Variants in DLG2 observed in about 807,000 individuals in gnomAD.
DLG2 encodes discs large MAGUK scaffold protein 2.
Under a neutral mutation model 132.5 loss-of-function variants are expected in DLG2, and 45 were observed. The ratio of observed to expected loss-of-function variants is 0.34; its 90% CI spans 0.27 to 0.44. The LOEUF is 0.44. DLG2 is among the 20% of genes least tolerant of loss of function. The probability of loss-of-function intolerance (pLI) is 1.00; values close to 1 mark genes in which losing one functional copy is unlikely to be tolerated. For synonymous variants in DLG2, 424 were observed against 419.6 expected, an observed-to-expected ratio of 1.01 and a Z score of -0.13; for missense variants, 1,045 against 1,196.9, an observed-to-expected ratio of 0.87 and a Z score of 1.87.
At chr11:85,071,995 T>C (rs1440102732) in intron 6 of DLG2, among the ~76,000 whole-genome samples, 2 of 151,838 alleles carry the variant, frequency 1.3e-5, no homozygotes, top group African/African-American at 2.4e-5. Context: ...ACAAATGAAA[T>C]GAGAACGCAT....
chr11:85,459,135 A>C lies in DLG2; in HGVS notation c.40+139522T>G, dbSNP rs140549325. ...AGCAGCTTGCTGGAGGTGTGGTTAA[A>C]GCACTCAGGGTCTTCGCTGCTTCTC... On this transcript the variant is annotated intron_variant, in intron 3 of 27. Transcript: ENST00000376104. 2.4e-3 allele frequency among the ~76,000 whole-genome samples: 361 copies of C among 152,306 alleles called. 3 individuals carry two copies. Among genetic ancestry groups the C allele is most frequent in the Middle Eastern group, 0.01 (3 of 294 alleles).
intron 11 of DLG2, among the ~76,000 whole-genome samples, chr11:83,999,631 C>T (rs908304409): frequency 6.6e-6 from 1 of 152,154 alleles, no homozygotes; most frequent in Non-Finnish European, 1.5e-5. Context: ...GCTCAGCTCA[C>T]TGCTGCCACC....
At chr11:84,910,498 C>A (rs1475191608) in intron 6 of DLG2, among the ~76,000 whole-genome samples, 2 of 151,868 alleles carry the variant, frequency 1.3e-5, no homozygotes, top group Admixed American at 6.6e-5. Context: ...TCATTATTAC[C>A]CATTACAGAC....
At chr11:85,158,514 T>C (rs2077764629) in intron 4 of DLG2, among the ~76,000 whole-genome samples, 1 of 152,164 alleles carries the variant, frequency 6.6e-6, no homozygotes. Flanking sequence ...CGATACATTC[T>C]TGACCAATGC....
intron 6 of DLG2, among the ~76,000 whole-genome samples, chr11:85,001,273 T>G (rs190739199): frequency 1.3e-5 from 2 of 152,182 alleles, no homozygotes; most frequent in East Asian, 3.9e-4. Flanking sequence ...ATTATTATTA[T>G]TTGTTGTAGA....
intron 3 of DLG2, among the ~76,000 whole-genome samples, chr11:85,397,661 A>G (rs2087546163): frequency 6.6e-6 from 1 of 152,204 alleles, no homozygotes; most frequent in Admixed American, 6.5e-5. Flanking sequence ...TTAAACCAAC[A>G]AAGATCAAAA....
At chr11:84,225,628 C>T (rs2096979931) in intron 8 of DLG2, among the ~76,000 whole-genome samples, 1 of 151,882 alleles carries the variant, frequency 6.6e-6, no homozygotes, top group African/African-American at 2.4e-5. Flanking sequence ...GACATTTAAA[C>T]TCTCATTCCT....
chr11:83,869,104 A>G (rs1003782699), intron 16 of DLG2, among the ~76,000 whole-genome samples: 4 of 152,238 alleles, frequency 2.6e-5, no homozygotes, highest in African/African-American at 4.8e-5. Flanking sequence ...TATATGAGAT[A>G]ACAGACATCT....
chr11:84,299,593 A>C (rs2098130140), intron 7 of DLG2, among the ~76,000 whole-genome samples: 1 of 152,330 alleles, frequency 6.6e-6, no homozygotes, highest in East Asian at 1.9e-4. Flanking sequence ...GCAAGAAAGA[A>C]GAAGAATGAT....
At chr11:84,010,449 C>A (rs893962011) in intron 11 of DLG2, among the ~76,000 whole-genome samples, 2 of 151,876 alleles carry the variant, frequency 1.3e-5, no homozygotes, top group Non-Finnish European at 2.9e-5. Context: ...CATACGACTA[C>A]CCCAGCCAAT....
chr11:84,051,736 C>A (rs1202229238), intron 11 of DLG2, among the ~76,000 whole-genome samples: 9 of 150,994 alleles, frequency 6.0e-5, no homozygotes, highest in Admixed American at 2.0e-4. Flanking sequence ...AACTAACCTG[C>A]ACGTTGTGCA....
At chr11:85,063,798 C>G (rs752628836) in intron 6 of DLG2, among the ~76,000 whole-genome samples, 3 of 151,648 alleles carry the variant, frequency 2.0e-5, no homozygotes, top group Non-Finnish European at 4.4e-5. Context: ...ATTTGTAGTA[C>G]TTGTGGGATA....
At chr11:83,902,380 T>C (rs1229760165) in intron 15 of DLG2, among the ~76,000 whole-genome samples, 1 of 152,144 alleles carries the variant, frequency 6.6e-6, no homozygotes, top group Non-Finnish European at 1.5e-5. Flanking sequence ...GTTATATGGA[T>C]ATAAAAACTG....
At chr11:84,537,394 C>A (rs1386848855) in intron 6 of DLG2, among the ~76,000 whole-genome samples, 2 of 152,168 alleles carry the variant, frequency 1.3e-5, no homozygotes, top group African/African-American at 4.8e-5. Flanking sequence ...GCGTGAGCCA[C>A]CGCACCCAGC....
chr11:83,849,391 C>T (rs1302802141), intron 16 of DLG2, among the ~76,000 whole-genome samples: 1 of 151,074 alleles, frequency 6.6e-6, no homozygotes, highest in Non-Finnish European at 1.5e-5. Flanking sequence ...GTTTATCGAG[C>T]ATAAACATTT....
intron 4 of DLG2, among the ~76,000 whole-genome samples, chr11:85,185,069 G>T (rs1375317343): frequency 2.6e-5 from 4 of 151,762 alleles, no homozygotes; most frequent in Admixed American, 2.6e-4. Flanking sequence ...TCATTATTTT[G>T]TCTGCTTTTT....
chr11:85,333,423 T>C (rs895599273), intron 3 of DLG2, among the ~76,000 whole-genome samples: 2 of 152,186 alleles, frequency 1.3e-5, no homozygotes, highest in Non-Finnish European at 2.9e-5. Flanking sequence ...ATGTCTTTTA[T>C]TTATTTTTCT....
chr11:83,471,906 T>C (rs758636649), intron 23 of DLG2, among the ~76,000 whole-genome samples, 179 bp from the exon 24 acceptor site: 3 of 152,156 alleles, frequency 2.0e-5, no homozygotes, highest in Non-Finnish European at 2.9e-5. Flanking sequence ...CTCAGGAGAT[T>C]GGCAGTGCCT....
chr11:84,090,230 A>T (rs934144444), intron 10 of DLG2, among the ~76,000 whole-genome samples: 4 of 152,066 alleles, frequency 2.6e-5, no homozygotes, highest in Non-Finnish European at 5.9e-5. Context: ...CCTGGCCAAC[A>T]TGGTGAAACC....
Sources: gnomAD v4.1 joint callset for allele counts (sites outside exome capture counted in the v4.1 genomes callset) on GRCh38, gnomAD v4.1.1 for gene constraint, MANE v1.5 for transcripts, NCBI Gene and HGNC (gene_info 2026-07-23, HGNC 2026-07-21) for gene names.